The following EYA4 variants were observed in gnomAD, a reference collection of about 807,000 sequenced individuals.
EYA4 encodes protein phosphatase EYA4.
A neutral mutation model predicts 87.9 loss-of-function variants in EYA4; 31 were observed. That is an observed-to-expected ratio of 0.35 (90% CI 0.27 to 0.48). EYA4 has a LOEUF of 0.48. Ranked by LOEUF, EYA4 falls within the 20% of genes least tolerant of loss-of-function variation. The probability of loss-of-function intolerance (pLI) is 0.99; values close to 1 mark genes in which losing one functional copy is unlikely to be tolerated. For missense variants in EYA4, 678 were observed against 761.4 expected, an observed-to-expected ratio of 0.89 and a Z score of 1.29; for synonymous variants, 263 against 270.6, an observed-to-expected ratio of 0.97 and a Z score of 0.28.
At chr6:133,320,400 T>C (rs1276846337) in intron 2 of EYA4, among the ~76,000 whole-genome samples, 2 of 152,092 alleles carry the variant, frequency 1.3e-5, no homozygotes, top group African/African-American at 2.4e-5. Flanking sequence ...CATTGTTAAT[T>C]AGAGTTTGGT....
intron 2 of EYA4, among the ~76,000 whole-genome samples, chr6:133,301,049 C>T (rs1051367439): frequency 2.6e-5 from 4 of 152,152 alleles, no homozygotes; most frequent in African/African-American, 9.7e-5. Flanking sequence ...TCATGTGTTT[C>T]ATATTTTACA....
At chr6:133,337,932 G>A (rs576319910) in intron 2 of EYA4, among the ~76,000 whole-genome samples, 7 of 152,136 alleles carry the variant, frequency 4.6e-5, no homozygotes, top group Non-Finnish European at 8.8e-5. Flanking sequence ...TTAGATGTTG[G>A]GGTGACTTTC....
chr6:133,395,354 A>G (rs924271311), intron 3 of EYA4, among the ~76,000 whole-genome samples: 10 of 151,946 alleles, frequency 6.6e-5, no homozygotes, highest in Middle Eastern at 3.4e-3. Context: ...TAGTTTTTAT[A>G]TTTTGGGGAG....
At chr6:133,343,898 G>A (rs994463495) in intron 2 of EYA4, among the ~76,000 whole-genome samples, 1 of 152,024 alleles carries the variant, frequency 6.6e-6, no homozygotes, top group Non-Finnish European at 1.5e-5. Flanking sequence ...GGACTCTTAT[G>A]ATATATACAA....
chr6:133,387,109 G>A (rs1489989684), intron 3 of EYA4, among the ~76,000 whole-genome samples: 1 of 151,998 alleles, frequency 6.6e-6, no homozygotes, highest in African/African-American at 2.4e-5. Flanking sequence ...TGAGCCTCAG[G>A]GAGTTTATCT....
At chr6:133,292,296 A>G (rs534685188) in intron 2 of EYA4, among the ~76,000 whole-genome samples, 1 of 152,336 alleles carries the variant, frequency 6.6e-6, no homozygotes, top group South Asian at 2.1e-4. Context: ...CAATTTGCTA[A>G]TCTTCAAAGG....
chr6:133,299,058 C>T (rs1003750675), intron 2 of EYA4, among the ~76,000 whole-genome samples: 4 of 152,124 alleles, frequency 2.6e-5, no homozygotes, highest in African/African-American at 4.8e-5. Context: ...TGAAGCAGGA[C>T]TCTTCTTAGG....
chr6:133,338,720 G>A (rs1341888922), intron 2 of EYA4, among the ~76,000 whole-genome samples: 5 of 152,112 alleles, frequency 3.3e-5, no homozygotes, highest in Non-Finnish European at 7.4e-5. Context: ...CCAGTTGGTG[G>A]TGCTTAGTGT....
chr6:133,363,014 A>C (rs1369792427), intron 2 of EYA4, among the ~76,000 whole-genome samples: 1 of 152,218 alleles, frequency 6.6e-6, no homozygotes, highest in Non-Finnish European at 1.5e-5. Context: ...TTAAGGAAAT[A>C]TTAACTGGCC....
intron 2 of EYA4, among the ~76,000 whole-genome samples, chr6:133,336,413 A>G (rs921437541): frequency 6.6e-6 from 1 of 152,196 alleles, no homozygotes; most frequent in Non-Finnish European, 1.5e-5. Flanking sequence ...TGTTTCTACA[A>G]AAGAAGAAAA....
At chr6:133,297,724 T>G (rs1779048547) in intron 2 of EYA4, among the ~76,000 whole-genome samples, 1 of 152,234 alleles carries the variant, frequency 6.6e-6, no homozygotes, top group African/African-American at 2.4e-5. Context: ...GCTTCATTTT[T>G]GTATAATATT....
intron 14 of EYA4, among the ~76,000 whole-genome samples, chr6:133,506,465 T>C (rs1481734707): frequency 6.6e-6 from 1 of 152,216 alleles, no homozygotes; most frequent in Admixed American, 6.5e-5. Context: ...ACATGACTCT[T>C]GGTTCTTTTA....
intron 3 of EYA4, among the ~76,000 whole-genome samples, chr6:133,402,443 C>CT (rs1788347411): frequency 6.6e-6 from 1 of 152,112 alleles, no homozygotes; most frequent in South Asian, 2.1e-4. Context: ...TATTCCCTGT[C>CT]TGATTTCTAA....
At chr6:133,352,778 A>C (rs1258144987) in intron 2 of EYA4, among the ~76,000 whole-genome samples, 1 of 152,172 alleles carries the variant, frequency 6.6e-6, no homozygotes, top group Non-Finnish European at 1.5e-5. Context: ...GAATGACAGA[A>C]ACACAGTCAA....
chr6:133,448,882 A>C lies in EYA4; in HGVS notation c.277+703A>C, dbSNP rs550728947. On this transcript the variant is annotated intron_variant, in intron 5 of 19. Coordinates refer to ENST00000355286, the MANE Select transcript of EYA4 (RefSeq NM_004100.5). Reference sequence around the variant, plus strand: ...GTGGCACCACCCAGTTGTAGAATCAAAAAGGAGCTCATGCCTATTGGAAAT... The same window carrying C: ...GTGGCACCACCCAGTTGTAGAATCACAAAGGAGCTCATGCCTATTGGAAAT... 2.0e-4 allele frequency among the ~76,000 whole-genome samples: 30 copies of C among 152,338 alleles called. 1 individual carries two copies. The South Asian group carries it at 5.8e-3, about 29-fold the overall frequency.
intron 2 of EYA4, among the ~76,000 whole-genome samples, chr6:133,328,105 T>C (rs1332043966): frequency 6.6e-6 from 1 of 152,206 alleles, no homozygotes; most frequent in Non-Finnish European, 1.5e-5. Context: ...TACCTGATGT[T>C]AAAGCCTAGT....
intron 13 of EYA4, 137 bp from the exon 14 acceptor site, chr6:133,505,969 T>A: frequency 4.5e-6 from 3 of 669,718 alleles, no homozygotes; most frequent in Non-Finnish European, 8.1e-6. Flanking sequence ...TTTGGAAAAC[T>A]GAGAAATCTT....
intron 2 of EYA4, among the ~76,000 whole-genome samples, chr6:133,310,052 G>A (rs950374): frequency 0.24 from 35,945 of 152,074 alleles, 5,151 homozygotes; most frequent in East Asian, 0.48. Flanking sequence ...AGGGAGCCTG[G>A]TATTCACACC....
At chr6:133,286,006 G>C (rs892816898) in intron 2 of EYA4, among the ~76,000 whole-genome samples, 8 of 152,132 alleles carry the variant, frequency 5.3e-5, no homozygotes, top group African/African-American at 1.9e-4. Flanking sequence ...GTGCATCTCA[G>C]TTTCCTTACA....
Sources: gnomAD v4.1 joint callset for allele counts (sites outside exome capture counted in the v4.1 genomes callset) on GRCh38, gnomAD v4.1.1 for gene constraint, MANE v1.5 for transcripts, NCBI Gene and HGNC (gene_info 2026-07-23, HGNC 2026-07-21) for gene names.